GRIN2A: variants seen among roughly 807,000 people sequenced by gnomAD.
GRIN2A encodes the protein glutamate receptor ionotropic, NMDA 2A.
GRIN2A carries 22 observed loss-of-function variants against 113.4 expected under a neutral mutation model. The ratio of observed to expected loss-of-function variants is 0.19; its 90% CI spans 0.14 to 0.28. The LOEUF (loss-of-function observed/expected upper bound fraction) is 0.28. Ranked by LOEUF, GRIN2A falls within the 10% of genes least tolerant of loss-of-function variation. GRIN2A has a pLI of 1.00. For synonymous variants in GRIN2A, 827 were observed against 738.4 expected (o/e 1.12, Z -1.94); for missense variants, 1,502 against 1,887.0 (o/e 0.80, Z 3.78).
intron 3 of GRIN2A, among the ~76,000 whole-genome samples, chr16:9,906,074 T>C (rs1351345549): frequency 6.6e-6 from 1 of 152,228 alleles, no homozygotes; most frequent in Non-Finnish European, 1.5e-5. Flanking sequence ...ACTTTGTTCC[T>C]ACCTGCACTA....
intron 2 of GRIN2A, among the ~76,000 whole-genome samples, chr16:9,987,834 T>C (rs1374936559): frequency 2.0e-5 from 3 of 152,140 alleles, no homozygotes; most frequent in African/African-American, 7.2e-5. Context: ...ATGGAGTCAA[T>C]TTAATACATT....
intron 2 of GRIN2A, among the ~76,000 whole-genome samples, chr16:10,017,494 A>C (rs2046633098): frequency 1.3e-5 from 2 of 152,144 alleles, no homozygotes; most frequent in African/African-American, 4.8e-5. Context: ...TGTTCGGCTT[A>C]TTTCGAGCTA....
At chr16:9,991,764 G>A (rs1346435484) in intron 2 of GRIN2A, among the ~76,000 whole-genome samples, 6 of 152,168 alleles carry the variant, frequency 3.9e-5, no homozygotes, top group African/African-American at 9.7e-5. Context: ...CATGGATGAA[G>A]CTGGAAACCA....
At chr16:10,002,756 G>C (rs1010195200) in intron 2 of GRIN2A, among the ~76,000 whole-genome samples, 1 of 152,178 alleles carries the variant, frequency 6.6e-6, no homozygotes, top group African/African-American at 2.4e-5. Context: ...AGTATTTCAA[G>C]ACAATCCAGA....
chr16:9,789,221 C>G lies in GRIN2A; in HGVS notation c.2356+9056G>C, dbSNP rs1219092528. On this transcript the variant is annotated intron_variant, in intron 11 of 12. Coordinates refer to ENST00000330684, the MANE Select transcript of GRIN2A (RefSeq NM_001134407.3). The stretch of plus-strand genomic sequence containing the variant: ...CTTCATTTTCAAAACCAGGCAGTAA[C>G]CGGGATTTGGGTCATGGGTTTTGAT... 3.3e-5 allele frequency among the ~76,000 whole-genome samples: 5 copies of G among 152,260 alleles called. No individual in the cohort carries two copies. The East Asian group carries it at 9.6e-4, about 29-fold the overall frequency.
chr16:10,086,875 C>T (rs2142070420), intron 2 of GRIN2A, among the ~76,000 whole-genome samples: 1 of 152,288 alleles, frequency 6.6e-6, no homozygotes, highest in South Asian at 2.1e-4. Context: ...CAAACAAATG[C>T]CTACCTAGCT....
At chr16:10,003,502 G>A (rs2046356022) in intron 2 of GRIN2A, among the ~76,000 whole-genome samples, 1 of 152,170 alleles carries the variant, frequency 6.6e-6, no homozygotes. Context: ...GGTATTGTTT[G>A]CATTATTTTG....
chr16:9,978,773 G>A (rs537790383), intron 2 of GRIN2A, among the ~76,000 whole-genome samples: 10 of 152,230 alleles, frequency 6.6e-5, no homozygotes, highest in East Asian at 1.9e-4. Context: ...CTCTGTATTC[G>A]GAACGGATGT....
intron 9 of GRIN2A, among the ~76,000 whole-genome samples, chr16:9,828,358 C>A (rs959212733): frequency 1.3e-5 from 2 of 152,170 alleles, no homozygotes; most frequent in Non-Finnish European, 2.9e-5. Context: ...TTAACCCCAA[C>A]CCCTCATCAG....
At chr16:9,976,445 C>A (rs1226786997) in intron 2 of GRIN2A, among the ~76,000 whole-genome samples, 1 of 152,140 alleles carries the variant, frequency 6.6e-6, no homozygotes, top group African/African-American at 2.4e-5. Context: ...GTGTTCTGAT[C>A]CTTTGTTGAA....
intron 4 of GRIN2A, among the ~76,000 whole-genome samples, chr16:9,877,578 T>A (rs889478854): frequency 3.3e-5 from 5 of 151,118 alleles, no homozygotes; most frequent in African/African-American, 1.2e-4. Flanking sequence ...TGTTACTTTG[T>A]TCTCTCTCTC....
chr16:10,076,214 T>A (rs1407571212), intron 2 of GRIN2A, among the ~76,000 whole-genome samples: 1 of 152,178 alleles, frequency 6.6e-6, no homozygotes, highest in East Asian at 1.9e-4. Context: ...GTGCAAAGTC[T>A]GTCCTGCTGC....
At chr16:10,174,854 C>A (rs562804017) in intron 2 of GRIN2A, among the ~76,000 whole-genome samples, 3,928 of 140,856 alleles carry the variant, frequency 0.028, 156 homozygotes, top group African/African-American at 0.095. Flanking sequence ...AAAAAAAAAA[C>A]AAGATACATG....
intron 2 of GRIN2A, among the ~76,000 whole-genome samples, chr16:10,091,491 CAA>C (rs1163882973): frequency 1.4e-5 from 2 of 142,504 alleles, no homozygotes; most frequent in African/African-American, 2.6e-5. Context: ...CACACACACA[CAA>C]ACACACAAAA....
chr16:10,068,341 A>T (rs555999087), intron 2 of GRIN2A, among the ~76,000 whole-genome samples: 1 of 152,356 alleles, frequency 6.6e-6, no homozygotes, highest in Non-Finnish European at 1.5e-5. Flanking sequence ...ACAGTTCTGC[A>T]GGCTTTACAG....
intron 2 of GRIN2A, 58 bp from the exon 3 acceptor site, chr16:9,938,609 C>T: frequency 8.3e-7 from 1 of 1,210,398 alleles, no homozygotes; most frequent in East Asian, 2.3e-5. Flanking sequence ...TATATAGAAG[C>T]ACAAACTGCG....
intron 2 of GRIN2A, among the ~76,000 whole-genome samples, chr16:10,022,619 A>G (rs1596430887): frequency 1.3e-5 from 2 of 152,172 alleles, no homozygotes; most frequent in East Asian, 1.9e-4. Flanking sequence ...GTGCTTCCCC[A>G]TAGCAGGTCT....
chr16:9,779,154 C>A (rs544568727), intron 11 of GRIN2A, among the ~76,000 whole-genome samples: 4 of 152,190 alleles, frequency 2.6e-5, no homozygotes, highest in Non-Finnish European at 5.9e-5. Context: ...TTAAAGGAAG[C>A]AGTGGGAAAG....
rs1293960412 is a variant in GRIN2A, at chr16:9,758,129, T to C, written c.*5020A>G. The C allele has an allele frequency of 4.7e-6, 1 of 214,650 alleles. No individual in the cohort carries two copies. Among genetic ancestry groups the C allele is most frequent in the African/African-American group, 2.3e-5 (1 of 44,354 alleles). 13.3% of individuals were successfully genotyped at this position (214,650 alleles called of 1,614,324 possible). A position where few individuals can be genotyped will look rare whatever the true frequency, so the allele number is the denominator to read the frequency against. On this transcript the variant is annotated 3_prime_UTR_variant, in exon 13 of 13. Coordinates refer to ENST00000330684, the MANE Select transcript of GRIN2A (RefSeq NM_001134407.3). ...ATCTCTCCTCCCCTTCTCCTAACTT[T>C]TGGTGTGGTTCTACGAACTCTATTT...
Sources: allele counts gnomAD v4.1 joint callset (sites outside exome capture counted in the v4.1 genomes callset), GRCh38; gene constraint gnomAD v4.1.1; transcripts MANE v1.5; gene names NCBI Gene and HGNC (gene_info 2026-07-23, HGNC 2026-07-21).